TRAPPC3L: variants seen among roughly 807,000 people sequenced by gnomAD.
TRAPPC3L encodes the protein trafficking protein particle complex subunit 3L, also known as trafficking protein particle complex subunit 3-like protein.
Under a neutral mutation model 23.7 loss-of-function variants are expected in TRAPPC3L, and 23 were observed. The observed-to-expected ratio is 0.97, with a 90% CI of 0.70 to 1.37. The LOEUF is 1.37. Among genes scored for constraint, TRAPPC3L ranks in the 40% most tolerant of loss-of-function variants. The probability of loss-of-function intolerance (pLI) is 0.00; values close to 1 mark genes in which losing one functional copy is unlikely to be tolerated. For missense variants in TRAPPC3L, 212 were observed against 216.8 expected, an observed-to-expected ratio of 0.98 and a Z score of 0.14; for synonymous variants, 81 against 77.9, an observed-to-expected ratio of 1.04 and a Z score of -0.21.
intron 3 of TRAPPC3L, among the ~76,000 whole-genome samples, chr6:116,513,180 C>CA (rs1772158973): frequency 6.6e-6 from 1 of 152,132 alleles, no homozygotes; most frequent in Non-Finnish European, 1.5e-5. Context: ...CATTATTTTA[C>CA]TTTTTCGACA....
intron 3 of TRAPPC3L, chr6:116,512,493 A>T: frequency 2.3e-6 from 1 of 430,506 alleles, no homozygotes; most frequent in East Asian, 3.5e-5. Context: ...ATAAATACTT[A>T]AGTACTTTAA....
chr6:116,510,295 A>T (rs1772088393), intron 3 of TRAPPC3L, among the ~76,000 whole-genome samples: 1 of 152,022 alleles, frequency 6.6e-6, no homozygotes, highest in Non-Finnish European at 1.5e-5. Flanking sequence ...CTATGTATTT[A>T]TTTATGAGAC....
chr6:116,505,204 A>G (rs1174638187), intron 3 of TRAPPC3L, among the ~76,000 whole-genome samples: 1 of 152,216 alleles, frequency 6.6e-6, no homozygotes, highest in East Asian at 1.9e-4. Flanking sequence ...AAAAATCACA[A>G]GCATTCTTAC....
chr6:116,532,316 G>T (rs1772783422), intron 3 of TRAPPC3L, among the ~76,000 whole-genome samples: 1 of 152,240 alleles, frequency 6.6e-6, no homozygotes, highest in South Asian at 2.1e-4. Flanking sequence ...GCCCAGGCAG[G>T]TCTCGAACTC....
rs1773107052 is a variant in TRAPPC3L at position 116,536,568 on chromosome 6, T to C, written c.240+3795A>G. 2.0e-5 allele frequency among the ~76,000 whole-genome samples: 3 copies of C among 152,220 alleles called. No homozygotes were observed. The South Asian group carries it at 6.2e-4, about 32-fold the overall frequency. ...TCAGAGGGAGGGATCACTTCTCCTG[T>C]CTGGGCATAGGTTTCTTCATCTAGT... On this transcript the variant is annotated intron_variant, in intron 3 of 4. Transcript: ENST00000368602.
rs1771831738 is a variant in TRAPPC3L, at chr6:116,496,213, T to C, written c.*741A>G. ...GTAGAAATTCTGAATTAATAAGCTT[T>C]GGGGTAAGAAAGTAATTTCAAAGAA... is the stretch of plus-strand genomic sequence containing the variant. On this transcript the variant is annotated 3_prime_UTR_variant, in exon 5 of 5. Transcript: ENST00000368602. 6.6e-6 allele frequency: 1 copy of C among 152,234 alleles called. No homozygotes were observed. Among genetic ancestry groups the C allele is most frequent in the Admixed American group, 6.5e-5 (1 of 15,274 alleles). 9.4% of individuals were successfully genotyped at this position (152,234 alleles called of 1,614,324 possible).
chr6:116,521,433 G>A (rs567952766), intron 3 of TRAPPC3L: 1 of 152,082 alleles, frequency 6.6e-6, no homozygotes, highest in South Asian at 2.1e-4. Context: ...TTATTTCCAA[G>A]GGCCAATAGA....
chr6:116,506,957 C>G (rs1328612164), intron 3 of TRAPPC3L, among the ~76,000 whole-genome samples: 1 of 152,036 alleles, frequency 6.6e-6, no homozygotes, highest in Non-Finnish European at 1.5e-5. Flanking sequence ...CACATGTATA[C>G]CTATGTAACA....
chr6:116,519,198 T>C (rs996932505), intron 3 of TRAPPC3L: 1 of 152,196 alleles, frequency 6.6e-6, no homozygotes, highest in African/African-American at 2.4e-5. Context: ...GGGAGCTGTG[T>C]ATACATGATT....
chr6:116,524,672 T>C (rs2115176924), intron 3 of TRAPPC3L: 1 of 152,334 alleles, frequency 6.6e-6, no homozygotes, highest in East Asian at 1.9e-4. Context: ...TGTCCAAAAA[T>C]GTTAAATAGG....
intron 3 of TRAPPC3L, among the ~76,000 whole-genome samples, chr6:116,529,371 T>G (rs1332677853): frequency 6.6e-6 from 1 of 151,836 alleles, no homozygotes; most frequent in Non-Finnish European, 1.5e-5. Context: ...ATTAAAAAAT[T>G]TTAGAATCTT....
chr6:116,509,519 T>TA (rs1772069937), intron 3 of TRAPPC3L, among the ~76,000 whole-genome samples: 2 of 152,120 alleles, frequency 1.3e-5, no homozygotes, highest in South Asian at 4.1e-4. Context: ...TGGAACAGAA[T>TA]AGAGAACTCA....
At chr6:116,526,281 T>A (rs1174994464) in intron 3 of TRAPPC3L, among the ~76,000 whole-genome samples, 1 of 152,236 alleles carries the variant, frequency 6.6e-6, no homozygotes, top group Non-Finnish European at 1.5e-5. Flanking sequence ...TTTATTTTAT[T>A]TGAAGCATGT....
intron 3 of TRAPPC3L, among the ~76,000 whole-genome samples, chr6:116,534,779 A>G (rs2115207454): frequency 8.6e-6 from 1 of 116,240 alleles, no homozygotes; most frequent in South Asian, 2.5e-4. Flanking sequence ...ATTTCAATTT[A>G]TACTATAAAA....
At chr6:116,497,196 G>A (rs531897574) in intron 4 of TRAPPC3L, 123 bp from the exon 5 acceptor site, 29 of 1,230,372 alleles carry the variant, frequency 2.4e-5, no homozygotes, top group East Asian at 1.6e-4. Context: ...AAGCTTGTTC[G>A]TGGATAAAGG....
chr6:116,543,153 G>A (rs1379281084), intron 2 of TRAPPC3L, 150 bp downstream of exon 2: 1 of 539,540 alleles, frequency 1.9e-6, no homozygotes, highest in Non-Finnish European at 3.1e-6. Context: ...AATGGCACTT[G>A]TAAGAAATTA....
At chr6:116,542,031 G>T (rs1773495060) in intron 2 of TRAPPC3L, among the ~76,000 whole-genome samples, 1 of 152,054 alleles carries the variant, frequency 6.6e-6, no homozygotes. Flanking sequence ...CTAACCAAAG[G>T]TATTTTTGTA....
At chr6:116,510,784 A>C (rs765400714) in intron 3 of TRAPPC3L, among the ~76,000 whole-genome samples, 5 of 152,126 alleles carry the variant, frequency 3.3e-5, no homozygotes, top group Non-Finnish European at 4.4e-5. Context: ...CAACTGATGA[A>C]TAGATAAAGA....
At chr6:116,498,045 A>T (rs1264475458) in intron 4 of TRAPPC3L, among the ~76,000 whole-genome samples, 2 of 152,228 alleles carry the variant, frequency 1.3e-5, no homozygotes, top group African/African-American at 4.8e-5. Context: ...TTGGAAATAC[A>T]GAAGCAACAT....
Sources: allele counts gnomAD v4.1 joint callset (sites outside exome capture counted in the v4.1 genomes callset), GRCh38; gene constraint gnomAD v4.1.1; transcripts MANE v1.5; gene names NCBI Gene and HGNC (gene_info 2026-07-23, HGNC 2026-07-21).